TBCK: variants seen among roughly 807,000 people sequenced by gnomAD.
The protein encoded by TBCK is TBC domain-containing protein kinase-like protein.
TBCK carries 99 observed loss-of-function variants against 113.4 expected under a neutral mutation model. The ratio of observed to expected loss-of-function variants is 0.87; its 90% CI spans 0.74 to 1.03. The LOEUF (loss-of-function observed/expected upper bound fraction) is 1.03. Ranked by LOEUF, TBCK falls within the 50% of genes least tolerant of loss-of-function variation. The pLI is 0.00. For synonymous variants in TBCK, 369 were observed against 370.8 expected (o/e 1.00, Z 0.05); for missense variants, 1,045 against 1,061.3 (o/e 0.98, Z 0.21).
At chr4:106,203,288 A>T (rs1407438911) in intron 20 of TBCK, among the ~76,000 whole-genome samples, 1 of 148,082 alleles carries the variant, frequency 6.8e-6, no homozygotes, top group Non-Finnish European at 1.5e-5. Flanking sequence ...TTTCACATAT[A>T]TATATATATA....
chr4:106,073,520 G>A (rs914739697), intron 25 of TBCK, among the ~76,000 whole-genome samples: 3 of 152,198 alleles, frequency 2.0e-5, no homozygotes, highest in Non-Finnish European at 2.9e-5. Context: ...GGTGTATGAG[G>A]TGTCAGTCAG....
At chr4:106,203,463 C>T (rs1445331602) in intron 20 of TBCK, among the ~76,000 whole-genome samples, 1 of 151,334 alleles carries the variant, frequency 6.6e-6, no homozygotes, top group Non-Finnish European at 1.5e-5. Flanking sequence ...CCCTTGGACC[C>T]AAAAAGTAAA....
At chr4:106,185,909 T>C (rs1452119099) in intron 22 of TBCK, among the ~76,000 whole-genome samples, 1 of 152,120 alleles carries the variant, frequency 6.6e-6, no homozygotes, top group African/African-American at 2.4e-5. Context: ...TAGGCCCTGG[T>C]GTCTATTGTT....
chr4:106,173,148 AAC>A (rs1751233732), intron 22 of TBCK, among the ~76,000 whole-genome samples: 1 of 152,162 alleles, frequency 6.6e-6, no homozygotes, highest in Admixed American at 6.5e-5. Context: ...AAAACTATAA[AAC>A]AGAGTGAAAC....
At chr4:106,247,002 T>C in intron 10 of TBCK, 137 bp downstream of exon 10, 2 of 883,578 alleles carry the variant, frequency 2.3e-6, no homozygotes, top group East Asian at 5.8e-5. Flanking sequence ...TATATTTTAA[T>C]CACTTCCAGA....
intron 3 of TBCK, among the ~76,000 whole-genome samples, chr4:106,284,622 T>C (rs951979591): frequency 2.0e-5 from 3 of 152,132 alleles, no homozygotes; most frequent in Non-Finnish European, 1.5e-5. Flanking sequence ...CTTAACACAA[T>C]GTAGAAACTC....
At chr4:106,248,352 AG>A in intron 8 of TBCK, 46 bp from the exon 9 acceptor site, 1 of 1,292,592 alleles carries the variant, frequency 7.7e-7, no homozygotes, top group Non-Finnish European at 1.1e-6. Context: ...GATCAATTTT[AG>A]AAATATACTT....
intron 25 of TBCK, among the ~76,000 whole-genome samples, chr4:106,083,575 G>A (rs1017610610): frequency 2.6e-4 from 39 of 152,296 alleles, no homozygotes; most frequent in Non-Finnish European, 4.6e-4. Context: ...ACACCCTCTA[G>A]AACAAGGAAT....
chr4:106,099,219 A>G (rs899990810), intron 24 of TBCK, among the ~76,000 whole-genome samples: 3 of 152,142 alleles, frequency 2.0e-5, no homozygotes, highest in Non-Finnish European at 4.4e-5. Flanking sequence ...TTACAAAAAG[A>G]TTTGAAAATT....
chr4:106,215,535 G>T (rs189749761), intron 19 of TBCK, among the ~76,000 whole-genome samples: 6,856 of 151,894 alleles, frequency 0.045, 513 homozygotes, highest in African/African-American at 0.15. Flanking sequence ...ACCAAGCAAA[G>T]GGAAAACAAA....
intron 5 of TBCK, among the ~76,000 whole-genome samples, chr4:106,255,805 G>C (rs1392950184): frequency 6.6e-6 from 1 of 152,136 alleles, no homozygotes; most frequent in African/African-American, 2.4e-5. Flanking sequence ...AGAAGAATAA[G>C]GTACATGGAC....
intron 5 of TBCK, among the ~76,000 whole-genome samples, chr4:106,256,643 C>T (rs1288919605): frequency 6.6e-6 from 1 of 151,890 alleles, no homozygotes; most frequent in Non-Finnish European, 1.5e-5. Flanking sequence ...TCTGCAGCAC[C>T]AACTTAGGCA....
chr4:106,253,265 C>T (rs1761623049), intron 5 of TBCK, among the ~76,000 whole-genome samples: 1 of 152,126 alleles, frequency 6.6e-6, no homozygotes, highest in South Asian at 2.1e-4. Context: ...TTTGCTCTTT[C>T]AATCAAGATT....
chr4:106,068,849 G>A (rs1736993566), intron 25 of TBCK, among the ~76,000 whole-genome samples: 1 of 152,196 alleles, frequency 6.6e-6, no homozygotes. Flanking sequence ...TAACTGGTGT[G>A]AGATGGTATC....
At chr4:106,303,759 T>G (rs2125878038) in intron 2 of TBCK, among the ~76,000 whole-genome samples, 1 of 152,230 alleles carries the variant, frequency 6.6e-6, no homozygotes, top group East Asian at 1.9e-4. Context: ...ATCAACCAAC[T>G]ACCTGACACT....
chr4:106,045,752 C>A lies in TBCK; in HGVS notation c.*818G>T, dbSNP rs1734164316. ...CCCTCATTCTCTTCCTTCTAGATAG[C>A]AGATGTGATGGTAGAAGCTGAGGAG... On this transcript the variant is annotated 3_prime_UTR_variant, in exon 26 of 26. Coordinates refer to ENST00000394708, the MANE Select transcript of TBCK (RefSeq NM_001163435.3). The A allele has an allele frequency of 6.6e-6, 1 of 151,988 alleles. No homozygotes were observed. The allele number at this position is 151,988 out of a possible 1,614,324, so 9.4% of individuals were successfully genotyped here. A position where few individuals can be genotyped will look rare whatever the true frequency, so the allele number is the denominator to read the frequency against.
intron 20 of TBCK, among the ~76,000 whole-genome samples, chr4:106,195,492 T>TGTGTGTGTGTG (rs371211369): frequency 0.061 from 9,101 of 148,992 alleles, 648 homozygotes; most frequent in African/African-American, 0.16. Context: ...ATGTGTGTGT[T>TGTGTGTGTGTG]TGTGTGTGTG....
At chr4:106,205,417 C>T (rs1755362088) in intron 20 of TBCK, among the ~76,000 whole-genome samples, 1 of 151,584 alleles carries the variant, frequency 6.6e-6, no homozygotes, top group African/African-American at 2.4e-5. Context: ...AGTTCACTGA[C>T]ATGGTTTTAG....
intron 19 of TBCK, among the ~76,000 whole-genome samples, chr4:106,225,540 A>G (rs1195755705): frequency 1.3e-5 from 2 of 152,112 alleles, no homozygotes; most frequent in African/African-American, 4.8e-5. Flanking sequence ...GTTCACTGCA[A>G]GCTCTACCTC....
Sources: allele counts gnomAD v4.1 joint callset (sites outside exome capture counted in the v4.1 genomes callset), GRCh38; gene constraint gnomAD v4.1.1; transcripts MANE v1.5; gene names NCBI Gene and HGNC (gene_info 2026-07-23, HGNC 2026-07-21).